The following DENND6B variants were observed in gnomAD, a reference collection of about 807,000 sequenced individuals.
DENND6B encodes the protein protein DENND6B.
DENND6B carries 73 observed loss-of-function variants against 85.1 expected under a neutral mutation model. The observed-to-expected ratio is 0.86, with a 90% CI of 0.71 to 1.04. The LOEUF (loss-of-function observed/expected upper bound fraction) is 1.04. Ranked by LOEUF, DENND6B falls within the 50% of genes least tolerant of loss-of-function variation. The pLI is 0.00. For synonymous variants in DENND6B, 357 were observed against 329.3 expected (o/e 1.08, Z -0.91); for missense variants, 715 against 785.8 (o/e 0.91, Z 1.08).
At position 50,316,393 on chromosome 22, in the gene DENND6B, T is replaced by C. The variant is rs2041818038; in HGVS notation, c.536A>G (p.Lys179Arg). 19 of 1,582,570 alleles carry C rather than the reference T, an allele frequency of 1.2e-5. No individual in the cohort carries two copies. Among genetic ancestry groups the C allele is most frequent in the Non-Finnish European group, 1.6e-5 (19 of 1,166,030 alleles). The change falls in exon 6 of 20, where the codon AAG becomes AGG. Residue 179 changes from lysine (K) to arginine (R), a missense_variant. Coordinates refer to ENST00000413817, the MANE Select transcript of DENND6B (RefSeq NM_001001794.4). ...ACCTGCTTCCAGGCAGGGCGCCAGC[T>C]TGTCAAAGTACTCGGGGGCGATGAG... Reference protein sequence around the residue: ...LSLIAPEYFDKLAPCLEAVCS... With the variant: ...LSLIAPEYFDRLAPCLEAVCS...
intron 1 of DENND6B, 143 bp downstream of exon 1, chr22:50,326,669 G>C: frequency 2.9e-6 from 2 of 688,150 alleles, no homozygotes; most frequent in East Asian, 3.7e-5. Flanking sequence ...CGCTTCTGGA[G>C]CCCGGAGAAG....
chr22:50,319,130 C>T, intron 1 of DENND6B, 127 bp from the exon 2 acceptor site: 1 of 1,538,112 alleles, frequency 6.5e-7, no homozygotes. Context: ...AGGTCAGTGC[C>T]CAAGGTGCTG....
chr22:50,313,738 AGG>A lies in DENND6B; in HGVS notation c.1204-16_1204-15del. 8 of 1,604,886 alleles carry A rather than the reference AGG, an allele frequency of 5.0e-6. No individual in the cohort carries two copies. The highest frequency in any genetic ancestry group is 6.8e-6 in the Non-Finnish European group (8 of 1,177,148). ...CTTCTGCACGCCCTGCAGGGGAGAG[AGG>A]GCCAGGCCCTTGCTGCGCTTCACAC... On this transcript the variant is annotated splice_polypyrimidine_tract_variant and intron_variant, in intron 14 of 19. Coordinates refer to ENST00000413817, the MANE Select transcript of DENND6B (RefSeq NM_001001794.4).
chr22:50,313,900 C>A, intron 13 of DENND6B, 22 bp from the exon 14 acceptor site: 1 of 1,596,292 alleles, frequency 6.3e-7, no homozygotes, highest in Non-Finnish European at 8.5e-7. Flanking sequence ...GCACAGCTGG[C>A]GCCCCACCCT....
intron 9 of DENND6B, among the ~76,000 whole-genome samples, chr22:50,315,299 C>T (rs62241227): frequency 0.045 from 6,813 of 152,284 alleles, 223 homozygotes; most frequent in Non-Finnish European, 0.069. Flanking sequence ...GGGCCCAGCA[C>T]AGAGCAGGAT....
In DENND6B at chr22:50,312,343, C is replaced by T. The variant is rs1196329330; in HGVS notation, c.1635G>A (p.Leu545=). Residue 545 remains leucine (L), a splice_region_variant and synonymous_variant, in exon 19 of 20, where the codon CTG becomes CTA. Coordinates refer to ENST00000413817, the MANE Select transcript of DENND6B (RefSeq NM_001001794.4). ...VDLVLKLREK[L]VRAQGHQLPV... ...GGGACAAGGCTGGGAGGCATCTTAC[C>T]AGCTTCTCACGAAGTTTCAGGACCA... 6.2e-7 allele frequency: 1 copy of T among 1,611,436 alleles called. No homozygotes were observed. Among genetic ancestry groups the T allele is most frequent in the Admixed American group, 1.7e-5 (1 of 59,788 alleles).
Position 50,312,503 on chromosome 22 carries a change from C to T in DENND6B, c.1560+20G>A, listed in dbSNP as rs758712234. The T allele has an allele frequency of 3.2e-6, 5 of 1,573,270 alleles. No homozygotes were observed. In the African/African-American group the frequency reaches 6.8e-5, roughly 21 times the overall value. On this transcript the variant is annotated intron_variant, in intron 18 of 19. Transcript: ENST00000413817. ...ACCCCCACCATGTTCTGGCCCTCCC[C>T]AACCCCCAGCCTCTCTCACCGCCTC...
Position 50,326,900 on chromosome 22 carries a change from G to C in DENND6B, c.89C>G (p.Thr30Ser), listed in dbSNP as rs1206927767. 1 of 1,394,164 alleles carries C rather than the reference G, an allele frequency of 7.2e-7. No homozygotes were observed. The highest frequency in any genetic ancestry group is 1.5e-5 in the South Asian group (1 of 66,536). The allele number at this position is 1,394,164 out of a possible 1,614,324, so 86.4% of individuals were successfully genotyped here. A position where few individuals can be genotyped will look rare whatever the true frequency, so the allele number is the denominator to read the frequency against. The change falls in exon 1 of 20, where the codon ACC becomes AGC. Residue 30 changes from threonine to serine, a missense_variant. Physicochemically the swap from Thr to Ser is moderately conservative, Grantham distance 58. Coordinates refer to ENST00000413817, the MANE Select transcript of DENND6B (RefSeq NM_001001794.4). ...GAAGCGCGCCCAGGGCGCCGCCGGG[G>C]TCCGCGCCGCGCGACCTGAAGACGT... ...GPTSSGRAARTPAAPWARFSA... is the reference protein window; with the variant it reads ...GPTSSGRAARSPAAPWARFSA...
At chr22:50,312,936 G>A (rs1279615960) in intron 17 of DENND6B, 63 bp downstream of exon 17, 5 of 1,406,446 alleles carry the variant, frequency 3.6e-6, no homozygotes, top group Non-Finnish European at 4.9e-6. Context: ...CAGGCGGGGG[G>A]CCATGGGGCT....
chr22:50,318,524 A>T (rs1050227529), intron 3 of DENND6B, among the ~76,000 whole-genome samples: 1 of 152,174 alleles, frequency 6.6e-6, no homozygotes, highest in Non-Finnish European at 1.5e-5. Context: ...AGGCACCAGA[A>T]AATGGCCACC....
At chr22:50,326,134 G>C (rs765780819) in intron 1 of DENND6B, among the ~76,000 whole-genome samples, 6 of 152,264 alleles carry the variant, frequency 3.9e-5, no homozygotes, top group Non-Finnish European at 7.3e-5. Flanking sequence ...AAAGGAGGCT[G>C]CCTGTGTGGG....
chr22:50,313,380 C>T, intron 16 of DENND6B, 66 bp downstream of exon 16: 1 of 1,518,922 alleles, frequency 6.6e-7, no homozygotes, highest in South Asian at 1.3e-5. Flanking sequence ...CCAGACCTTC[C>T]CTCCTCCGGG....
At chr22:50,322,875 G>C (rs1188561024) in intron 1 of DENND6B, among the ~76,000 whole-genome samples, 3 of 150,162 alleles carry the variant, frequency 2.0e-5, no homozygotes, top group Non-Finnish European at 4.4e-5. Context: ...TCTTGAGACA[G>C]AGTCTTGCCC....
chr22:50,316,663 C>A (rs1402625373), intron 5 of DENND6B, 188 bp from the exon 6 acceptor site: 2 of 1,512,574 alleles, frequency 1.3e-6, no homozygotes, highest in Admixed American at 2.0e-5. Flanking sequence ...CAGGAGAAAA[C>A]CCAACACTGA....
chr22:50,310,666 C>G lies in DENND6B; in HGVS notation c.*1473G>C, dbSNP rs946633538. On this transcript the variant is annotated 3_prime_UTR_variant, in exon 20 of 20. Coordinates refer to ENST00000413817, the MANE Select transcript of DENND6B (RefSeq NM_001001794.4). ...TCAGAAGAAAAAGAAAAGTCCCGGC[C>G]GGGCGCGGTGGCTCATGCCTGTAAT... The G allele has an allele frequency of 1.3e-5, 2 of 152,220 alleles. No individual in the cohort carries two copies. Among genetic ancestry groups the G allele is most frequent in the Admixed American group, 6.6e-5 (1 of 15,262 alleles). 9.4% of individuals were successfully genotyped at this position (152,220 alleles called of 1,614,324 possible).
chr22:50,325,154 T>C (rs750680315), intron 1 of DENND6B, among the ~76,000 whole-genome samples: 2 of 152,142 alleles, frequency 1.3e-5, no homozygotes, highest in Admixed American at 1.3e-4. Context: ...TATGGAGGGT[T>C]TCGCTCATGG....
At chr22:50,318,793 C>T (rs1376413893) in intron 3 of DENND6B, 54 bp downstream of exon 3, 16 of 1,604,754 alleles carry the variant, frequency 1.0e-5, no homozygotes, top group Middle Eastern at 1.7e-4. Flanking sequence ...GCCCAGGCTA[C>T]AGGGATGCCC....
chr22:50,326,921 G>A lies in DENND6B; in HGVS notation c.68C>T (p.Ser23Phe). ...RGCLGAAGPT[S>F]SGRAARTPAA... ...CGGGGTCCGCGCCGCGCGACCTGAAGACGTGGGTCCAGCCGCGCCCAGGCA... is the reference window on the plus strand; with the variant it reads ...CGGGGTCCGCGCCGCGCGACCTGAAAACGTGGGTCCAGCCGCGCCCAGGCA... The change falls in exon 1 of 20, where the codon TCT (serine) becomes TTT (phenylalanine). Residue 23 changes from serine (S) to phenylalanine (F), a missense_variant. Physicochemically the swap from Ser to Phe is radical, Grantham distance 155. Transcript: ENST00000413817. 3 of 1,366,204 alleles carry A rather than the reference G, an allele frequency of 2.2e-6. No individual in the cohort carries two copies. Among genetic ancestry groups the A allele is most frequent in the Non-Finnish European group, 1.9e-6 (2 of 1,060,506 alleles). The allele number at this position is 1,366,204 out of a possible 1,614,324, so 84.6% of individuals were successfully genotyped here. A position where few individuals can be genotyped will look rare whatever the true frequency, so the allele number is the denominator to read the frequency against.
intron 1 of DENND6B, among the ~76,000 whole-genome samples, chr22:50,320,710 C>T (rs1225629439): frequency 6.6e-6 from 1 of 152,092 alleles, no homozygotes; most frequent in African/African-American, 2.4e-5. Flanking sequence ...AGATATAGGG[C>T]CACTCAGCCT....
Sources: gnomAD v4.1 joint callset for allele counts (sites outside exome capture counted in the v4.1 genomes callset) on GRCh38, gnomAD v4.1.1 for gene constraint, MANE v1.5 for transcripts, NCBI Gene and HGNC (gene_info 2026-07-23, HGNC 2026-07-21) for gene names.